DGKB: variants seen among roughly 807,000 people sequenced by gnomAD.
The protein encoded by DGKB is diacylglycerol kinase beta, also known as 90 kDa diacylglycerol kinase.
A neutral mutation model predicts 114.3 loss-of-function variants in DGKB; 67 were observed. The ratio of observed to expected loss-of-function variants is 0.59; its 90% CI spans 0.48 to 0.72. The LOEUF is 0.72. Among genes scored for constraint, DGKB ranks in the 30% least tolerant of loss-of-function variants. DGKB has a pLI of 0.00. For missense variants in DGKB, 907 were observed against 975.2 expected (o/e 0.93, Z 0.93); for synonymous variants, 398 against 323.1 (o/e 1.23, Z -2.49).
chr7:14,547,620 C>T (rs1224703990), intron 20 of DGKB, among the ~76,000 whole-genome samples: 2 of 152,090 alleles, frequency 1.3e-5, no homozygotes, highest in African/African-American at 4.8e-5. Flanking sequence ...TTCAGGAATA[C>T]ACTCTCATTT....
At chr7:14,810,842 CA>C (rs1449921921) in intron 2 of DGKB, among the ~76,000 whole-genome samples, 14 of 152,192 alleles carry the variant, frequency 9.2e-5, no homozygotes, top group Non-Finnish European at 1.9e-4. Context: ...CTCCTGGACT[CA>C]AGTGATCTGC....
chr7:14,695,080 G>C (rs1287270584), intron 8 of DGKB, among the ~76,000 whole-genome samples: 2 of 152,148 alleles, frequency 1.3e-5, no homozygotes, highest in Non-Finnish European at 2.9e-5. Context: ...TTGGAACAGA[G>C]ATTGGAAAAG....
intron 2 of DGKB, among the ~76,000 whole-genome samples, chr7:14,811,445 G>C (rs1843419204): frequency 6.6e-6 from 1 of 152,118 alleles, no homozygotes; most frequent in Admixed American, 6.6e-5. Context: ...TACAAAATAA[G>C]AAAGATTACA....
intron 21 of DGKB, among the ~76,000 whole-genome samples, chr7:14,476,412 T>C (rs535081779): frequency 2.0e-5 from 3 of 152,242 alleles, no homozygotes; most frequent in East Asian, 1.9e-4. Context: ...AGGCAACTTA[T>C]AGTGCAAAAT....
chr7:14,731,377 C>A (rs1302943424), intron 5 of DGKB, among the ~76,000 whole-genome samples: 7 of 151,620 alleles, frequency 4.6e-5, no homozygotes, highest in African/African-American at 1.7e-4. Flanking sequence ...TCTGACAGTG[C>A]CAATTTGTTA....
chr7:14,728,917 G>T (rs983931699), intron 5 of DGKB, among the ~76,000 whole-genome samples: 1 of 151,726 alleles, frequency 6.6e-6, no homozygotes, highest in African/African-American at 2.4e-5. Context: ...GGCCAGGCTG[G>T]TCTCAAACTC....
At chr7:14,350,574 C>T (rs1284407556) in intron 21 of DGKB, among the ~76,000 whole-genome samples, 1 of 151,830 alleles carries the variant, frequency 6.6e-6, no homozygotes, top group Non-Finnish European at 1.5e-5. Flanking sequence ...AAAGTTTTGA[C>T]TTAGTGAAAC....
intron 6 of DGKB, among the ~76,000 whole-genome samples, chr7:14,706,609 A>G: frequency 1.2e-5 from 1 of 84,334 alleles, no homozygotes. Context: ...AAATTATAAC[A>G]AACTATCTCT....
intron 16 of DGKB, among the ~76,000 whole-genome samples, chr7:14,612,761 T>C (rs1303252297): frequency 1.3e-5 from 2 of 152,150 alleles, no homozygotes; most frequent in Non-Finnish European, 2.9e-5. Flanking sequence ...CTCTTCAATG[T>C]AGTGATTTTC....
At chr7:14,430,240 G>C (rs1397107209) in intron 21 of DGKB, among the ~76,000 whole-genome samples, 2 of 152,110 alleles carry the variant, frequency 1.3e-5, no homozygotes, top group African/African-American at 2.4e-5. Context: ...TTTAGATGAT[G>C]CTATGAGATG....
chr7:14,277,348 T>C (rs1004348499), intron 23 of DGKB, among the ~76,000 whole-genome samples: 6 of 151,128 alleles, frequency 4.0e-5, no homozygotes, highest in Non-Finnish European at 8.9e-5. Context: ...TTTTTTTTTC[T>C]TTTTTTGTAG....
chr7:14,679,299 A>G (rs1241179674), intron 12 of DGKB, among the ~76,000 whole-genome samples: 2 of 152,054 alleles, frequency 1.3e-5, no homozygotes, highest in African/African-American at 4.8e-5. Context: ...TGTCCTAAAC[A>G]TATCTACAGA....
chr7:14,880,393 G>C (rs537206170), intron 1 of DGKB, among the ~76,000 whole-genome samples: 212 of 152,268 alleles, frequency 1.4e-3, no homozygotes, highest in African/African-American at 5.0e-3. Flanking sequence ...GGGAGGCGTA[G>C]GTTGCTCTGA....
intron 2 of DGKB, among the ~76,000 whole-genome samples, chr7:14,784,263 G>C (rs1212021146): frequency 6.6e-6 from 1 of 151,496 alleles, no homozygotes; most frequent in East Asian, 1.9e-4. Context: ...GGTTATACTA[G>C]AGAGAACAAC....
At chr7:14,290,279 A>G (rs578062389) in intron 23 of DGKB, among the ~76,000 whole-genome samples, 2 of 152,332 alleles carry the variant, frequency 1.3e-5, no homozygotes, top group Non-Finnish European at 2.9e-5. Context: ...TGAAAGACAT[A>G]TAATTGAATT....
At chr7:14,827,404 G>A (rs896259987) in intron 2 of DGKB, among the ~76,000 whole-genome samples, 7 of 151,894 alleles carry the variant, frequency 4.6e-5, no homozygotes, top group South Asian at 2.1e-4. Context: ...GAGCATTTGC[G>A]GGGCAGAAAG....
At chr7:14,777,489 C>A (rs1028867524) in intron 2 of DGKB, among the ~76,000 whole-genome samples, 9 of 152,048 alleles carry the variant, frequency 5.9e-5, no homozygotes, top group African/African-American at 2.2e-4. Flanking sequence ...CAGGTACCTC[C>A]ATGCTGTTCT....
At chr7:14,176,990 G>A in intron 24 of DGKB, 91 bp from the exon 25 acceptor site, 1 of 1,454,262 alleles carries the variant, frequency 6.9e-7, no homozygotes, top group Non-Finnish European at 9.5e-7. Flanking sequence ...ACCAGGGAAG[G>A]CAATATGGTA....
At chr7:14,283,041 G>T (rs188598222) in intron 23 of DGKB, among the ~76,000 whole-genome samples, 2 of 151,664 alleles carry the variant, frequency 1.3e-5, no homozygotes, top group Admixed American at 1.3e-4. Flanking sequence ...GGAAATAAGG[G>T]GTATTCAATT....
Sources: gnomAD v4.1 joint callset for allele counts (sites outside exome capture counted in the v4.1 genomes callset) on GRCh38, gnomAD v4.1.1 for gene constraint, MANE v1.5 for transcripts, NCBI Gene and HGNC (gene_info 2026-07-23, HGNC 2026-07-21) for gene names.